The following QRFPR variants were observed in gnomAD, a reference collection of about 807,000 sequenced individuals.
The protein encoded by QRFPR is pyroglutamylated RFamide peptide receptor, also known as pyroglutamylated RF-amide peptide receptor.
In QRFPR, 37 loss-of-function variants were observed where a neutral mutation model predicts 31.3. The ratio of observed to expected loss-of-function variants is 1.18; its 90% CI spans 0.91 to 1.56. The LOEUF (loss-of-function observed/expected upper bound fraction) is 1.56, where lower values mean the gene tolerates loss of function less well. Ranked by LOEUF, QRFPR falls within the 40% of genes most tolerant of loss-of-function variation. QRFPR has a pLI of 0.00. For synonymous variants in QRFPR, 197 were observed against 192.0 expected, an observed-to-expected ratio of 1.03 and a Z score of -0.22; for missense variants, 542 against 532.5, an observed-to-expected ratio of 1.02 and a Z score of -0.18.
In QRFPR at chr4:121,350,959, T is replaced by C. The variant is rs1269782379; in HGVS notation, c.341-10349A>G. On this transcript the variant is annotated intron_variant, in intron 1 of 5. Coordinates refer to ENST00000394427, the MANE Select transcript of QRFPR (RefSeq NM_198179.3). Reference sequence around the variant, plus strand: ...GATTAACCATTTCTTCCAGGTTTCATTTATTCGTTTGTTTTGTTCTCCTTT... The same window carrying C: ...GATTAACCATTTCTTCCAGGTTTCACTTATTCGTTTGTTTTGTTCTCCTTT... Among the ~76,000 whole-genome samples the C allele has an allele frequency of 2.0e-5, 3 of 152,202 alleles. 1 individual carries two copies. The highest frequency in any genetic ancestry group is 7.2e-5 in the African/African-American group (3 of 41,454).
intron 1 of QRFPR, chr4:121,370,097 G>C (rs1726205086): frequency 3.9e-6 from 3 of 770,704 alleles, no homozygotes; most frequent in Admixed American, 3.4e-5. Context: ...GCCGATGACA[G>C]GGACTGGCAG....
intron 4 of QRFPR, among the ~76,000 whole-genome samples, chr4:121,331,432 C>T (rs933805185): frequency 4.0e-5 from 6 of 151,192 alleles, no homozygotes; most frequent in African/African-American, 1.5e-4. Flanking sequence ...AATCTTCCAA[C>T]TTCAGCCTCC....
rs148946562 is a variant in QRFPR, at chr4:121,345,893, G to A, written c.341-5283C>T. Among the ~76,000 whole-genome samples the A allele has an allele frequency of 3.7e-4, 57 of 152,242 alleles. 4 individuals carry two copies. In the East Asian group the frequency reaches 0.01, roughly 28 times the overall value. Reference sequence around the variant, plus strand: ...ATTGAAAACAGTTTGGGCAGTGTTCGTATTCACTTTAGTGTGTAACAGGGA... The same window carrying A: ...ATTGAAAACAGTTTGGGCAGTGTTCATATTCACTTTAGTGTGTAACAGGGA... On this transcript the variant is annotated intron_variant, in intron 1 of 5. Coordinates refer to ENST00000394427, the MANE Select transcript of QRFPR (RefSeq NM_198179.3).
chr4:121,371,665 T>C (rs1726249386), intron 1 of QRFPR, among the ~76,000 whole-genome samples: 1 of 152,198 alleles, frequency 6.6e-6, no homozygotes. Context: ...GGAAGACATA[T>C]GATCGGGGAG....
At chr4:121,366,554 AG>A (rs34416587) in intron 1 of QRFPR, among the ~76,000 whole-genome samples, 75,832 of 148,748 alleles carry the variant, frequency 0.51, 21,991 homozygotes, top group East Asian at 0.8. Context: ...CATGTGGGAC[AG>A]GGATGGCCTG....
intron 3 of QRFPR, among the ~76,000 whole-genome samples, chr4:121,335,579 G>T (rs1354014350): frequency 2.0e-5 from 2 of 99,936 alleles, no homozygotes; most frequent in Non-Finnish European, 4.4e-5. Context: ...TATGGGGGGT[G>T]GGGGGTGGGG....
intron 1 of QRFPR, among the ~76,000 whole-genome samples, chr4:121,365,474 T>A (rs71602331): frequency 0.59 from 34,714 of 59,058 alleles, 11,910 homozygotes; most frequent in East Asian, 0.8. Flanking sequence ...ATAAATAAAT[T>A]AATTAATTAA....
intron 1 of QRFPR, among the ~76,000 whole-genome samples, chr4:121,365,670 ATATT>A (rs1726123360): frequency 3.9e-5 from 2 of 51,686 alleles, no homozygotes; most frequent in East Asian, 9.4e-4. Context: ...TATATTTTAT[ATATT>A]ATATATATAT....
rs190486646 is a variant in QRFPR, at chr4:121,379,654, A to T, written c.340+654T>A. ...CATTATACGGAAGGAGGAGAATGTT[A>T]TCTCTTCTTTTATAATAGGAGGGCA... On this transcript the variant is annotated intron_variant, in intron 1 of 5. Coordinates refer to ENST00000394427, the MANE Select transcript of QRFPR (RefSeq NM_198179.3). 5.9e-5 allele frequency among the ~76,000 whole-genome samples: 9 copies of T among 152,240 alleles called. 1 individual carries two copies. The highest frequency in any genetic ancestry group is 1.3e-4 in the Non-Finnish European group (9 of 68,004).
rs1460029270 is a variant in QRFPR at position 121,335,588 on chromosome 4, G to C, written c.561+1219C>G. ...CAATTGTATGGGGGGTGGGGGGTGG[G>C]GCGGGGAGAGGAGTGGGGCAGGGGA... On this transcript the variant is annotated intron_variant, in intron 3 of 5. Transcript: ENST00000394427. 3.0e-4 allele frequency among the ~76,000 whole-genome samples: 30 copies of C among 99,194 alleles called. 1 individual carries two copies. Among genetic ancestry groups the C allele is most frequent in the Admixed American group, 4.1e-4 (3 of 7,242 alleles). The allele number at this position is 99,194 out of a possible 152,430, so 65.1% of individuals were successfully genotyped here.
intron 1 of QRFPR, chr4:121,369,563 C>A (rs545979440): frequency 1.2e-6 from 2 of 1,609,856 alleles, no homozygotes; most frequent in Non-Finnish European, 1.7e-6. Context: ...TTCAGCCATT[C>A]GGTTGGCCTG....
rs1394471411 is a variant in QRFPR, at chr4:121,329,834, C to G, written c.896-120G>C. 3 of 762,996 alleles carry G rather than the reference C, an allele frequency of 3.9e-6. No individual in the cohort carries two copies. The East Asian group carries it at 8.6e-5, about 22-fold the overall frequency. The allele number at this position is 762,996 out of a possible 1,614,324, so 47.3% of individuals were successfully genotyped here. On this transcript the variant is annotated intron_variant, in intron 5 of 5. Coordinates refer to ENST00000394427, the MANE Select transcript of QRFPR (RefSeq NM_198179.3). ...AGTATCTGAAGGTGTGAAAAGTTCT[C>G]AAGATCGTTTTGGGAGAGGCATCTG...
chr4:121,331,538 C>T (rs1414179763), intron 4 of QRFPR, among the ~76,000 whole-genome samples: 1 of 151,208 alleles, frequency 6.6e-6, no homozygotes, highest in African/African-American at 2.4e-5. Context: ...TTCTCCATGA[C>T]TTCTGTAAAG....
At chr4:121,331,647 ATTATTATTATTG>A (rs1387932496) in intron 4 of QRFPR, among the ~76,000 whole-genome samples, 5 of 142,298 alleles carry the variant, frequency 3.5e-5, no homozygotes, top group East Asian at 2.3e-4. Context: ...TATTATTATT[ATTATTATTATTG>A]TTATTATTAT....
intron 1 of QRFPR, among the ~76,000 whole-genome samples, chr4:121,344,316 C>T (rs1725603762): frequency 6.6e-6 from 1 of 152,168 alleles, no homozygotes. Context: ...CTTACTGTGC[C>T]CATGCTATGT....
rs1725271355 is a variant in QRFPR at position 121,329,232 on chromosome 4, A to T, written c.*82T>A. The stretch of plus-strand genomic sequence containing the variant: ...TTCTTGTCATCATCTTAAGAATAAA[A>T]AGAGTATTTGACCTTTGCTCAAAAT... On this transcript the variant is annotated 3_prime_UTR_variant, in exon 6 of 6. Coordinates refer to ENST00000394427, the MANE Select transcript of QRFPR (RefSeq NM_198179.3). 2 of 1,073,790 alleles carry T rather than the reference A, an allele frequency of 1.9e-6. No individual in the cohort carries two copies. The highest frequency in any genetic ancestry group is 3.2e-5 in the African/African-American group (2 of 62,944). The allele number at this position is 1,073,790 out of a possible 1,614,324, so 66.5% of individuals were successfully genotyped here. A position where few individuals can be genotyped will look rare whatever the true frequency, so the allele number is the denominator to read the frequency against.
Position 121,330,028 on chromosome 4 carries a change from C to T in QRFPR, c.896-314G>A, listed in dbSNP as rs114355718. On this transcript the variant is annotated intron_variant, in intron 5 of 5. Transcript: ENST00000394427. ...AGTAACCCTTCAAATGTTCACTTGC[C>T]TTAGAGAAACAAAATCATACTGAGA... Among the ~76,000 whole-genome samples the T allele has an allele frequency of 3.7e-3, 565 of 151,574 alleles. 1 individual carries two copies. Among genetic ancestry groups the T allele is most frequent in the Middle Eastern group, 0.01 (3 of 294 alleles).
At chr4:121,379,436 G>A (rs903169077) in intron 1 of QRFPR, among the ~76,000 whole-genome samples, 1 of 152,168 alleles carries the variant, frequency 6.6e-6, no homozygotes, top group African/African-American at 2.4e-5. Flanking sequence ...CCGTGAAAAA[G>A]GGGAGGCCCA....
chr4:121,380,250 C>G (rs1484751588), intron 1 of QRFPR, 58 bp downstream of exon 1: 2 of 688,446 alleles, frequency 2.9e-6, no homozygotes, highest in East Asian at 5.0e-5. Context: ...AGAGAGAGAT[C>G]CCCTGAAAGG....
Sources: allele counts gnomAD v4.1 joint callset (sites outside exome capture counted in the v4.1 genomes callset), GRCh38; gene constraint gnomAD v4.1.1; transcripts MANE v1.5; gene names NCBI Gene and HGNC (gene_info 2026-07-23, HGNC 2026-07-21).